The following ABLIM2 variants were observed in gnomAD, a reference collection of about 807,000 sequenced individuals.
ABLIM2 encodes the protein actin binding LIM protein family member 2.
A neutral mutation model predicts 97.7 loss-of-function variants in ABLIM2; 53 were observed. The observed-to-expected ratio is 0.54, with a 90% CI of 0.44 to 0.68. ABLIM2 has a LOEUF of 0.68. ABLIM2 is among the 30% of genes least tolerant of loss of function. The probability of loss-of-function intolerance (pLI) is 0.00; values close to 1 mark genes in which losing one functional copy is unlikely to be tolerated. For synonymous variants in ABLIM2, 361 were observed against 345.8 expected (o/e 1.04, Z -0.49); for missense variants, 835 against 867.2 (o/e 0.96, Z 0.47).
chr4:8,123,162 G>T lies in ABLIM2; in HGVS notation c.11-16525C>A, dbSNP rs1232587284. Among the ~76,000 whole-genome samples, 1 of 152,204 alleles carries T rather than the reference G, an allele frequency of 6.6e-6. No homozygotes were observed. The highest frequency in any genetic ancestry group is 2.4e-5 in the African/African-American group (1 of 41,446). ...GGGTCTGGACTCCTTAATCCTAATT[G>T]CGGTCCTCAGAGCATTCTTCCCTGG... is the stretch of plus-strand genomic sequence containing the variant. On this transcript the variant is annotated intron_variant, in intron 1 of 20. Transcript: ENST00000447017. The surrounding 1 kb of genome is among the most constrained non-coding windows in gnomAD (Gnocchi z 6.2).
At position 8,097,082 on chromosome 4, in the gene ABLIM2, G is replaced by A; in HGVS notation, c.338+17C>T. ...AGAGAGGCAGGGGAAGCAGAGGCCA[G>A]GTGCCCACTTACTCACCGGCAGACG... On this transcript the variant is annotated intron_variant, in intron 3 of 20. Coordinates refer to ENST00000447017, the MANE Select transcript of ABLIM2 (RefSeq NM_001130083.2). 2 of 1,593,494 alleles carry A rather than the reference G, an allele frequency of 1.3e-6. No individual in the cohort carries two copies. Among genetic ancestry groups the A allele is most frequent in the Non-Finnish European group, 1.7e-6 (2 of 1,168,074 alleles).
At chr4:7,993,211 G>A (rs1300655226) in intron 16 of ABLIM2, among the ~76,000 whole-genome samples, 1 of 152,226 alleles carries the variant, frequency 6.6e-6, no homozygotes, top group African/African-American at 2.4e-5. Context: ...CTCGGGCCTG[G>A]GCACCACCTG....
rs1481506826 is a variant in ABLIM2 at position 7,996,476 on chromosome 4, C to T, written c.1619-3549G>A. Among the ~76,000 whole-genome samples, 1 of 152,314 alleles carries T rather than the reference C, an allele frequency of 6.6e-6. No homozygotes were observed. The highest frequency in any genetic ancestry group is 1.5e-5 in the Non-Finnish European group (1 of 68,026). On this transcript the variant is annotated intron_variant, in intron 16 of 20. Transcript: ENST00000447017. The surrounding 1 kb of genome is among the most constrained non-coding windows in gnomAD (Gnocchi z 4.5). ...CATGCAGGTGGAAACCTTGCTTCCG[C>T]GAAGGCCATTTTATCCTCCCCACTT... is the stretch of plus-strand genomic sequence containing the variant.
intron 14 of ABLIM2, among the ~76,000 whole-genome samples, chr4:8,013,798 G>C (rs1766735782): frequency 6.6e-6 from 1 of 152,224 alleles, no homozygotes; most frequent in East Asian, 1.9e-4. Context: ...TGCTTCCAGG[G>C]AAAGGGCCGC....
intron 5 of ABLIM2, among the ~76,000 whole-genome samples, chr4:8,079,581 T>C (rs1178862496): frequency 6.6e-6 from 1 of 152,146 alleles, no homozygotes; most frequent in African/African-American, 2.4e-5. Flanking sequence ...TCATTGCAGA[T>C]TCCCCAGCAG....
chr4:8,022,083 G>A lies in ABLIM2; in HGVS notation c.1268-1780C>T, dbSNP rs958703027. On this transcript the variant is annotated intron_variant, in intron 12 of 20. Transcript: ENST00000447017. This position sits in a 1 kb window ranked among gnomAD's most constrained non-coding sequence, Gnocchi z 7.8. Reference sequence around the variant, plus strand: ...CGGATCCCTCCTACCGACTACGGCTGTGCTGGACCCATCCCCACTGGCAGC... The same window carrying A: ...CGGATCCCTCCTACCGACTACGGCTATGCTGGACCCATCCCCACTGGCAGC... Among the ~76,000 whole-genome samples, 4 of 152,216 alleles carry A rather than the reference G, an allele frequency of 2.6e-5. No individual in the cohort carries two copies. Among genetic ancestry groups the A allele is most frequent in the East Asian group, 1.9e-4 (1 of 5,196 alleles).
At chr4:7,980,938 C>CTTCTTTTTTTTTTTTTTTT (rs1255215577) in intron 20 of ABLIM2, among the ~76,000 whole-genome samples, 1 of 38,496 alleles carries the variant, frequency 2.6e-5, no homozygotes, top group South Asian at 5.6e-4. Flanking sequence ...TCCACAACCC[C>CTTCTTTTTTTTTTTTTTTT]TTATTTTTTT....
rs1217284138 is a variant in ABLIM2 at position 7,992,749 on chromosome 4, G to A, written c.1680+117C>T. The A allele has an allele frequency of 4.4e-6, 5 of 1,123,984 alleles. No individual in the cohort carries two copies. Among genetic ancestry groups the A allele is most frequent in the Non-Finnish European group, 6.5e-6 (5 of 766,258 alleles). 69.6% of individuals were successfully genotyped at this position (1,123,984 alleles called of 1,614,324 possible). A position where few individuals can be genotyped will look rare whatever the true frequency, so the allele number is the denominator to read the frequency against. On this transcript the variant is annotated intron_variant, in intron 17 of 20. Transcript: ENST00000447017. The surrounding 1 kb of genome is among the most constrained non-coding windows in gnomAD (Gnocchi z 5.7). ...GGAAGGGCATCAGGCAGAGGCAGGTGGGCCGCGGGGTCCCCGGGGCCTCTC... is the reference window on the plus strand; with the variant it reads ...GGAAGGGCATCAGGCAGAGGCAGGTAGGCCGCGGGGTCCCCGGGGCCTCTC...
intron 4 of ABLIM2, 69 bp from the exon 5 acceptor site, chr4:8,080,871 T>C: frequency 5.2e-6 from 8 of 1,523,870 alleles, no homozygotes; most frequent in Non-Finnish European, 5.3e-6. Context: ...CCTCCTGCTC[T>C]CCACACTCCG....
chr4:8,158,728 G>C lies in ABLIM2; in HGVS notation c.-39C>G. 2.1e-6 allele frequency: 3 copies of C among 1,424,544 alleles called. No homozygotes were observed. The highest frequency in any genetic ancestry group is 2.8e-6 in the Non-Finnish European group (3 of 1,088,310). 88.2% of individuals were successfully genotyped at this position (1,424,544 alleles called of 1,614,324 possible). A position where few individuals can be genotyped will look rare whatever the true frequency, so the allele number is the denominator to read the frequency against. The stretch of plus-strand genomic sequence containing the variant: ...CGGAGTCGGGGCGGCCCGGCGCTGC[G>C]ACAGCCAGACCCTCGGGCCCGCAGG... On this transcript the variant is annotated 5_prime_UTR_variant, in exon 1 of 21. Transcript: ENST00000447017.
intron 10 of ABLIM2, among the ~76,000 whole-genome samples, chr4:8,031,755 C>G (rs1312242834): frequency 2.0e-5 from 3 of 148,606 alleles, no homozygotes; most frequent in Non-Finnish European, 3.0e-5. Context: ...GATGGAGTCT[C>G]GCTCTGTCAC....
chr4:8,063,649 C>T (rs1314743815), intron 6 of ABLIM2, among the ~76,000 whole-genome samples: 1 of 152,240 alleles, frequency 6.6e-6, no homozygotes, highest in Non-Finnish European at 1.5e-5. Context: ...AGGCACTCAA[C>T]CCCCAGCCTG....
At chr4:8,133,210 A>T (rs907393029) in intron 1 of ABLIM2, among the ~76,000 whole-genome samples, 1 of 152,076 alleles carries the variant, frequency 6.6e-6, no homozygotes, top group African/African-American at 2.4e-5. Flanking sequence ...ATCCAGCATG[A>T]CCTCATCTGG....
rs1832208753 is a variant in ABLIM2 at position 8,097,392 on chromosome 4, C to T, written c.155-110G>A. ...CACACACCACCACCTGACACAGGCA[C>T]TGAGGCCTCGGCACACACTTGGGGT... is the stretch of plus-strand genomic sequence containing the variant. On this transcript the variant is annotated intron_variant, in intron 2 of 20. Coordinates refer to ENST00000447017, the MANE Select transcript of ABLIM2 (RefSeq NM_001130083.2). The T allele has an allele frequency of 2.2e-6, 3 of 1,339,106 alleles. No homozygotes were observed. The South Asian group carries it at 4.0e-5, about 18-fold the overall frequency. 83.0% of individuals were successfully genotyped at this position (1,339,106 alleles called of 1,614,324 possible). A position where few individuals can be genotyped will look rare whatever the true frequency, so the allele number is the denominator to read the frequency against.
At chr4:8,031,692 T>A (rs550079438) in intron 10 of ABLIM2, among the ~76,000 whole-genome samples, 1 of 152,106 alleles carries the variant, frequency 6.6e-6, no homozygotes, top group Non-Finnish European at 1.5e-5. Flanking sequence ...AGAACTTGCC[T>A]CTGGGTGTCG....
chr4:8,000,239 C>G (rs1234708841), intron 16 of ABLIM2, among the ~76,000 whole-genome samples: 2 of 152,218 alleles, frequency 1.3e-5, no homozygotes, highest in Non-Finnish European at 1.5e-5. Flanking sequence ...GAGATGGGCC[C>G]AAGATGTCCA....
Position 8,097,078 on chromosome 4 carries a change from GC to G in ABLIM2, c.338+20del, listed in dbSNP as rs771272412. 3.1e-6 allele frequency: 5 copies of G among 1,590,660 alleles called. No homozygotes were observed. The Admixed American group carries it at 8.7e-5, about 28-fold the overall frequency. ...GCCCAGAGAGGCAGGGGAAGCAGAG[GC>G]CAGGTGCCCACTTACTCACCGGCAG... On this transcript the variant is annotated intron_variant, in intron 3 of 20. Coordinates refer to ENST00000447017, the MANE Select transcript of ABLIM2 (RefSeq NM_001130083.2).
chr4:8,062,964 C>T (rs1804355918), intron 6 of ABLIM2, among the ~76,000 whole-genome samples: 1 of 152,218 alleles, frequency 6.6e-6, no homozygotes, highest in South Asian at 2.1e-4. Context: ...CTGTGACAGC[C>T]ACAGGGGACA....
chr4:7,977,657 G>T (rs1734586147), intron 20 of ABLIM2, among the ~76,000 whole-genome samples: 1 of 152,088 alleles, frequency 6.6e-6, no homozygotes, highest in African/African-American at 2.4e-5. Context: ...CGGGTGTGGT[G>T]GTGGGTGCCT....
Sources: gnomAD v4.1 joint callset for allele counts (sites outside exome capture counted in the v4.1 genomes callset) on GRCh38, gnomAD v4.1.1 for gene constraint, Gnocchi (gnomAD v3.1) non-coding constraint, MANE v1.5 for transcripts, NCBI Gene and HGNC (gene_info 2026-07-23, HGNC 2026-07-21) for gene names.